CAB39: variants seen among roughly 807,000 people sequenced by gnomAD.
CAB39 encodes the protein calcium binding protein 39, also known as calcium-binding protein 39.
Under a neutral mutation model 40.0 loss-of-function variants are expected in CAB39, and 8 were observed. The ratio of observed to expected loss-of-function variants is 0.20; its 90% confidence interval spans 0.12 to 0.36. CAB39 has a LOEUF of 0.36. Among genes scored for constraint, CAB39 ranks in the 10% least tolerant of loss-of-function variants. CAB39 has a pLI of 1.00. For missense variants in CAB39, 270 were observed against 401.1 expected (o/e 0.67, Z 2.79); for synonymous variants, 156 against 141.6 (o/e 1.10, Z -0.72).
intron 5 of CAB39, among the ~76,000 whole-genome samples, chr2:230,809,715 C>T (rs892466896): frequency 3.3e-5 from 5 of 151,790 alleles, no homozygotes; most frequent in African/African-American, 9.7e-5. Context: ...TCTACGTTAT[C>T]GTACCAACAT....
intron 1 of CAB39, among the ~76,000 whole-genome samples, chr2:230,730,872 A>G (rs879747438): frequency 6.6e-6 from 1 of 152,234 alleles, no homozygotes; most frequent in Non-Finnish European, 1.5e-5. Flanking sequence ...AAGTGTTGAC[A>G]TTTACCTCAG....
At chr2:230,760,646 A>G (rs1278401540) in intron 2 of CAB39, among the ~76,000 whole-genome samples, 1 of 152,132 alleles carries the variant, frequency 6.6e-6, no homozygotes, top group Non-Finnish European at 1.5e-5. Context: ...CTTCCCCCAC[A>G]ATCTTCCTGG....
chr2:230,812,559 G>T (rs1696323947), intron 6 of CAB39, among the ~76,000 whole-genome samples: 1 of 152,152 alleles, frequency 6.6e-6, no homozygotes, highest in Non-Finnish European at 1.5e-5. Flanking sequence ...AAGAACTTGA[G>T]ATGTATATAT....
At chr2:230,816,963 T>A (rs982372498) in intron 7 of CAB39, among the ~76,000 whole-genome samples, 3 of 152,232 alleles carry the variant, frequency 2.0e-5, no homozygotes, top group African/African-American at 7.2e-5. Context: ...CTGCCGGCTC[T>A]GCACACTCAG....
chr2:230,808,994 G>C (rs562897936), intron 5 of CAB39, among the ~76,000 whole-genome samples: 4 of 152,220 alleles, frequency 2.6e-5, no homozygotes, highest in African/African-American at 4.8e-5. Flanking sequence ...GCATAAGAGA[G>C]ACTTGAATCA....
At chr2:230,770,719 A>G (rs1233414795) in intron 2 of CAB39, among the ~76,000 whole-genome samples, 1 of 152,240 alleles carries the variant, frequency 6.6e-6, no homozygotes, top group African/African-American at 2.4e-5. Flanking sequence ...TAGTAGACCA[A>G]GTGGGATTTA....
chr2:230,813,650 C>T (rs3792065), intron 6 of CAB39, among the ~76,000 whole-genome samples: 1,692 of 152,130 alleles, frequency 0.011, 29 homozygotes, highest in East Asian at 0.058. Flanking sequence ...ATATAAAATA[C>T]GAGTTTTTCA....
intron 1 of CAB39, among the ~76,000 whole-genome samples, chr2:230,743,268 A>C (rs1452125493): frequency 6.6e-6 from 1 of 152,138 alleles, no homozygotes; most frequent in Non-Finnish European, 1.5e-5. Context: ...ACGACAAAGT[A>C]AGGCCGGCTA....
chr2:230,780,948 G>A (rs1223861270), intron 2 of CAB39, among the ~76,000 whole-genome samples: 1 of 151,990 alleles, frequency 6.6e-6, no homozygotes, highest in African/African-American at 2.4e-5. Context: ...CAGACATGGT[G>A]GTGTGTACCT....
intron 6 of CAB39, among the ~76,000 whole-genome samples, chr2:230,813,095 G>A (rs1385443045): frequency 1.3e-5 from 2 of 152,210 alleles, no homozygotes; most frequent in Non-Finnish European, 2.9e-5. Context: ...AGGAAAGCAC[G>A]AAGATCCAAC....
intron 1 of CAB39, among the ~76,000 whole-genome samples, chr2:230,715,689 G>C (rs912497088): frequency 1.3e-5 from 2 of 152,134 alleles, no homozygotes; most frequent in South Asian, 4.1e-4. Flanking sequence ...CAAATGGGTG[G>C]TATTTGCCTT....
intron 2 of CAB39, among the ~76,000 whole-genome samples, chr2:230,784,021 A>C (rs921943746): frequency 1.3e-5 from 2 of 152,192 alleles, no homozygotes; most frequent in African/African-American, 4.8e-5. Flanking sequence ...ATGCATCCCC[A>C]TTAGGCCCCC....
intron 5 of CAB39, among the ~76,000 whole-genome samples, chr2:230,801,847 C>T (rs540953193): frequency 5.3e-5 from 8 of 149,698 alleles, no homozygotes; most frequent in African/African-American, 1.0e-4. Context: ...CCACCCTGGG[C>T]GACGGAGTGG....
chr2:230,771,649 A>G lies in CAB39; in HGVS notation c.114+11534A>G, dbSNP rs569533669. On this transcript the variant is annotated intron_variant, in intron 2 of 8. Coordinates refer to ENST00000258418, the MANE Select transcript of CAB39 (RefSeq NM_016289.4). ...ATGGAAGTGCAAAAGACCTGGAGTA[A>G]TCAAAATAACTAATTAAAACAAAGT... 3.1e-4 allele frequency among the ~76,000 whole-genome samples: 47 copies of G among 152,332 alleles called. No individual in the cohort carries two copies. In the South Asian group the frequency reaches 9.5e-3, roughly 31 times the overall value.
At chr2:230,727,363 CGTGT>C (rs10542723) in intron 1 of CAB39, among the ~76,000 whole-genome samples, 18,243 of 126,802 alleles carry the variant, frequency 0.14, 1,274 homozygotes, top group Non-Finnish European at 0.16. Flanking sequence ...GATTGTTAAC[CGTGT>C]GTGTGTGTGT....
At chr2:230,814,196 A>C in intron 7 of CAB39, 82 bp downstream of exon 7, 1 of 733,402 alleles carries the variant, frequency 1.4e-6, no homozygotes, top group South Asian at 1.8e-5. Flanking sequence ...GATGTGCAGG[A>C]TGGGTCATAG....
chr2:230,723,372 C>T (rs1185620002), intron 1 of CAB39, among the ~76,000 whole-genome samples: 1 of 151,728 alleles, frequency 6.6e-6, no homozygotes, highest in African/African-American at 2.4e-5. Flanking sequence ...CTGTGGGCTT[C>T]CTGAACCCAC....
intron 2 of CAB39, among the ~76,000 whole-genome samples, chr2:230,762,130 A>T (rs1211899233): frequency 6.6e-6 from 1 of 151,806 alleles, no homozygotes; most frequent in African/African-American, 2.4e-5. Flanking sequence ...CTGGTCTCGA[A>T]CTCCGCACCT....
chr2:230,754,841 G>A (rs997433138), intron 1 of CAB39, among the ~76,000 whole-genome samples: 1 of 152,072 alleles, frequency 6.6e-6, no homozygotes, highest in African/African-American at 2.4e-5. Flanking sequence ...TCTATCGCTC[G>A]CCCGCTTCCC....
Sources: allele counts gnomAD v4.1 joint callset (sites outside exome capture counted in the v4.1 genomes callset), GRCh38; gene constraint gnomAD v4.1.1; transcripts MANE v1.5; gene names NCBI Gene and HGNC (gene_info 2026-07-23, HGNC 2026-07-21).